Variants in PHIP observed in about 807,000 individuals in gnomAD.
PHIP encodes PHIP subunit of CUL4-Ring ligase complex.
PHIP carries 54 observed loss-of-function variants against 236.8 expected under a neutral mutation model. The ratio of observed to expected loss-of-function variants is 0.23; its 90% confidence interval spans 0.18 to 0.29. The LOEUF is 0.29. PHIP is among the 10% of genes least tolerant of loss of function. The pLI, the probability that PHIP is intolerant of heterozygous loss-of-function variation, is 1.00. For missense variants in PHIP, 1,370 were observed against 2,190.8 expected, an observed-to-expected ratio of 0.63 and a Z score of 7.48; for synonymous variants, 756 against 718.9, an observed-to-expected ratio of 1.05 and a Z score of -0.83.
intron 24 of PHIP, among the ~76,000 whole-genome samples, chr6:78,971,607 T>C (rs982597032): frequency 6.6e-6 from 1 of 152,100 alleles, no homozygotes; most frequent in African/African-American, 2.4e-5. Flanking sequence ...TGCATTTCCA[T>C]CTGAGGTAAC....
rs1768582201 is a variant in PHIP at position 78,982,148 on chromosome 6, T to A, written c.2769+738A>T. Among the ~76,000 whole-genome samples, 4 of 151,990 alleles carry A rather than the reference T, an allele frequency of 2.6e-5. No homozygotes were observed. In the South Asian group the frequency reaches 6.2e-4, roughly 24 times the overall value. Reference sequence around the variant, plus strand: ...ACCAAATACTGCTTCCCATTTACAGTCTTTTGGGAAGCAGAAAACATGCCC... The same window carrying A: ...ACCAAATACTGCTTCCCATTTACAGACTTTTGGGAAGCAGAAAACATGCCC... On this transcript the variant is annotated intron_variant, in intron 23 of 39. Transcript: ENST00000275034.
At chr6:79,035,618 T>C (rs1340402377) in intron 7 of PHIP, among the ~76,000 whole-genome samples, 1 of 152,188 alleles carries the variant, frequency 6.6e-6, no homozygotes, top group Non-Finnish European at 1.5e-5. Context: ...TTAATTTCTC[T>C]TGAGGCTACT....
chr6:78,983,195 A>G, intron 22 of PHIP, 78 bp from the exon 23 acceptor site: 3 of 724,356 alleles, frequency 4.1e-6, no homozygotes, highest in Non-Finnish European at 6.6e-6. Flanking sequence ...GAAAAGAAAG[A>G]TTATAATAAA....
At chr6:79,038,750 A>C in intron 7 of PHIP, among the ~76,000 whole-genome samples, 1 of 152,174 alleles carries the variant, frequency 6.6e-6, no homozygotes, top group Non-Finnish European at 1.5e-5. Flanking sequence ...AATGATTCCT[A>C]AACTAAATCT....
intron 24 of PHIP, among the ~76,000 whole-genome samples, chr6:78,976,540 T>C: frequency 8.7e-6 from 1 of 114,436 alleles, no homozygotes; most frequent in Admixed American, 9.3e-5. Context: ...CTAATTAAAC[T>C]AAAGAGCTTC....
chr6:79,045,023 T>C (rs1359177757), intron 6 of PHIP, among the ~76,000 whole-genome samples: 1 of 152,168 alleles, frequency 6.6e-6, no homozygotes. Context: ...TTTTCCAGAA[T>C]CACATTAGGT....
chr6:79,040,999 T>A (rs1179557239), intron 7 of PHIP, among the ~76,000 whole-genome samples: 1 of 152,170 alleles, frequency 6.6e-6, no homozygotes, highest in Non-Finnish European at 1.5e-5. Context: ...CTTCGCATAT[T>A]ATTCTTGTTC....
At position 78,958,604 on chromosome 6, in the gene PHIP, A is replaced by T; in HGVS notation, c.3657-4T>A. The T allele has an allele frequency of 6.5e-7, 1 of 1,529,398 alleles. No individual in the cohort carries two copies. The allele number at this position is 1,529,398 out of a possible 1,614,324, so 94.7% of individuals were successfully genotyped here. A position where few individuals can be genotyped will look rare whatever the true frequency, so the allele number is the denominator to read the frequency against. On this transcript the variant is annotated splice_region_variant and splice_polypyrimidine_tract_variant and intron_variant, in intron 31 of 39. Coordinates refer to ENST00000275034, the MANE Select transcript of PHIP (RefSeq NM_017934.7). ...CCACATTAGGGAAGAAACCCGCCTT[A>T]AAAAAACAAAATATAGAAGTTTTAA...
Position 78,935,694 on chromosome 6 carries a change from C to T in PHIP, c.*4999G>A. ...CAAATATCTTTTAACTGACAGTTTT[C>T]ACACTTTGCAAAACACACAGGGCAC... On this transcript the variant is annotated 3_prime_UTR_variant, in exon 40 of 40. Transcript: ENST00000275034. The T allele has an allele frequency of 2.0e-6, 2 of 985,070 alleles. No homozygotes were observed. The highest frequency in any genetic ancestry group is 2.4e-6 in the Non-Finnish European group (2 of 829,658). 61.0% of individuals were successfully genotyped at this position (985,070 alleles called of 1,614,324 possible). A position where few individuals can be genotyped will look rare whatever the true frequency, so the allele number is the denominator to read the frequency against.
In PHIP at chr6:79,015,718, C is replaced by T. The variant is rs1770803302; in HGVS notation, c.1301G>A (p.Arg434Gln). 3.1e-6 allele frequency: 5 copies of T among 1,609,172 alleles called. No homozygotes were observed. The highest frequency in any genetic ancestry group is 1.7e-5 in the Admixed American group (1 of 59,846). ...TGCAGTTATAACTGTATTGTCATGT[C>T]GATCCCAAGCTACCATAGTAACCTT... Reference protein sequence around the residue: ...KMKVTMVAWDRHDNTVITAVN... With the variant: ...KMKVTMVAWDQHDNTVITAVN... Residue 434 changes from arginine (R) to glutamine (Q), a missense_variant, in exon 14 of 40, where the codon CGA becomes CAA. Transcript: ENST00000275034.
At chr6:79,077,987 G>A in intron 1 of PHIP, 42 bp downstream of exon 1, 3 of 1,603,830 alleles carry the variant, frequency 1.9e-6, no homozygotes, top group Non-Finnish European at 2.6e-6. Context: ...ACCGCGGGCG[G>A]AATCGCCCGG....
chr6:79,016,553 C>T lies in PHIP; in HGVS notation c.1226G>A (p.Arg409His), dbSNP rs753677561. 2.5e-6 allele frequency: 4 copies of T among 1,603,468 alleles called. No homozygotes were observed. The highest frequency in any genetic ancestry group is 2.7e-5 in the African/African-American group (2 of 74,568). ...WKSILLDMATRPAGQNLQGIE... is the reference protein window; with the variant it reads ...WKSILLDMATHPAGQNLQGIE... ...AAATTTGACCTCTTACCCTGCTGGACGAGTAGCCATATCCAACAAAATGCT... is the reference window on the plus strand; with the variant it reads ...AAATTTGACCTCTTACCCTGCTGGATGAGTAGCCATATCCAACAAAATGCT... The change falls in exon 13 of 40, where the codon CGT (arginine) becomes CAT (histidine). Residue 409 changes from arginine (R) to histidine (H), a missense_variant. Transcript: ENST00000275034.
At chr6:79,009,574 T>G (rs973670847) in intron 15 of PHIP, among the ~76,000 whole-genome samples, 3 of 152,090 alleles carry the variant, frequency 2.0e-5, no homozygotes, top group Non-Finnish European at 4.4e-5. Flanking sequence ...GTAGGCTGAC[T>G]AAAAAGACCA....
Position 78,981,427 on chromosome 6 carries a change from T to C in PHIP, c.2769+1459A>G, listed in dbSNP as rs189589703. On this transcript the variant is annotated intron_variant, in intron 23 of 39. Coordinates refer to ENST00000275034, the MANE Select transcript of PHIP (RefSeq NM_017934.7). ...AAACTAAAGGGAATACCCTCCAGTATCCTAACCTTACCATATTTAAAGTGA... is the reference window on the plus strand; with the variant it reads ...AAACTAAAGGGAATACCCTCCAGTACCCTAACCTTACCATATTTAAAGTGA... Among the ~76,000 whole-genome samples the C allele has an allele frequency of 1.8e-3, 279 of 152,116 alleles. 1 individual carries two copies. Among genetic ancestry groups the C allele is most frequent in the Non-Finnish European group, 2.9e-3 (200 of 67,934 alleles).
At chr6:79,010,073 AGAAGGGAG>A (rs1296175722) in intron 15 of PHIP, among the ~76,000 whole-genome samples, 1 of 148,830 alleles carries the variant, frequency 6.7e-6, no homozygotes, top group Non-Finnish European at 1.5e-5. Flanking sequence ...AAGGAAGGAA[AGAAGGGAG>A]GAAGGGAGGG....
intron 12 of PHIP, among the ~76,000 whole-genome samples, chr6:79,016,966 A>G (rs1472733457): frequency 1.3e-5 from 2 of 152,014 alleles, no homozygotes; most frequent in East Asian, 1.9e-4. Context: ...AGGTATTAGA[A>G]GTAGCTTTAT....
intron 21 of PHIP, among the ~76,000 whole-genome samples, chr6:78,985,996 C>A (rs1223119449): frequency 1.3e-5 from 2 of 151,898 alleles, no homozygotes; most frequent in Non-Finnish European, 2.9e-5. Context: ...ATTGTAAAAG[C>A]CTCATAACGT....
At chr6:78,966,862 C>T (rs1538234) in intron 27 of PHIP, among the ~76,000 whole-genome samples, 140,385 of 152,290 alleles carry the variant, frequency 0.92, 64,836 homozygotes, top group East Asian at 1. Context: ...TAGGCTAGAG[C>T]CTGAAAGACT....
At chr6:79,062,033 C>T (rs1773405265) in intron 4 of PHIP, among the ~76,000 whole-genome samples, 1 of 152,126 alleles carries the variant, frequency 6.6e-6, no homozygotes, top group Non-Finnish European at 1.5e-5. Context: ...TGGAGCCATA[C>T]TGCCACCAAA....
Sources: gnomAD v4.1 joint callset for allele counts (sites outside exome capture counted in the v4.1 genomes callset) on GRCh38, gnomAD v4.1.1 for gene constraint, MANE v1.5 for transcripts, NCBI Gene and HGNC (gene_info 2026-07-23, HGNC 2026-07-21) for gene names.